RBFOX1: variants seen among roughly 807,000 people sequenced by gnomAD.
RBFOX1 encodes RNA binding fox-1 homolog 1, also known as RNA binding protein fox-1 homolog 1.
A neutral mutation model predicts 57.7 loss-of-function variants in RBFOX1; 8 were observed. The ratio of observed to expected loss-of-function variants is 0.14; its 90% confidence interval spans 0.08 to 0.25. The LOEUF is 0.25. Ranked by LOEUF, RBFOX1 falls within the 10% of genes least tolerant of loss-of-function variation. RBFOX1 has a pLI of 1.00. For synonymous variants in RBFOX1, 326 were observed against 222.4 expected, an observed-to-expected ratio of 1.47 and a Z score of -4.15; for missense variants, 611 against 548.5, an observed-to-expected ratio of 1.11 and a Z score of -1.14.
chr16:6,664,678 A>G (rs182041127), intron 3 of RBFOX1, among the ~76,000 whole-genome samples: 1 of 152,322 alleles, frequency 6.6e-6, no homozygotes, highest in East Asian at 1.9e-4. Context: ...AGTGTCTGAA[A>G]TTGCGTGTTC....
At chr16:6,098,718 T>C (rs1191810186) in intron 1 of RBFOX1, among the ~76,000 whole-genome samples, 1 of 152,178 alleles carries the variant, frequency 6.6e-6, no homozygotes, top group Non-Finnish European at 1.5e-5. Flanking sequence ...GGTACAGATG[T>C]CCAGACACCA....
At chr16:7,084,377 A>T (rs2059666762) in intron 4 of RBFOX1, among the ~76,000 whole-genome samples, 1 of 152,200 alleles carries the variant, frequency 6.6e-6, no homozygotes, top group Non-Finnish European at 1.5e-5. Flanking sequence ...AAAGCATATT[A>T]ATATTTGAAC....
At chr16:5,352,077 A>G (rs1258811695) in intron 1 of RBFOX1, among the ~76,000 whole-genome samples, 1 of 152,256 alleles carries the variant, frequency 6.6e-6, no homozygotes, top group East Asian at 1.9e-4. Flanking sequence ...AAGTGCTGGG[A>G]TTACAGGGGT....
At chr16:7,149,214 A>G (rs1745386698) in intron 4 of RBFOX1, among the ~76,000 whole-genome samples, 1 of 152,010 alleles carries the variant, frequency 6.6e-6, no homozygotes, top group African/African-American at 2.4e-5. Context: ...CAGAGTCAAG[A>G]CTGCTGGACT....
intron 2 of RBFOX1, among the ~76,000 whole-genome samples, chr16:5,486,298 G>C (rs1284330036): frequency 1.3e-5 from 2 of 152,170 alleles, no homozygotes; most frequent in African/African-American, 4.8e-5. Flanking sequence ...AACATTTGGT[G>C]GGAAGGACAA....
intron 2 of RBFOX1, among the ~76,000 whole-genome samples, chr16:5,583,523 A>G (rs11644867): frequency 0.53 from 81,237 of 152,030 alleles, 23,278 homozygotes; most frequent in Non-Finnish European, 0.64. Context: ...TCTGACCGCG[A>G]GGCAATCCTG....
At chr16:6,980,216 C>G (rs1323360385) in intron 3 of RBFOX1, among the ~76,000 whole-genome samples, 1 of 152,168 alleles carries the variant, frequency 6.6e-6, no homozygotes. Context: ...GCTGATATAA[C>G]TTGAAAAATT....
At chr16:6,584,274 T>C (rs1448535043) in intron 2 of RBFOX1, among the ~76,000 whole-genome samples, 2 of 151,330 alleles carry the variant, frequency 1.3e-5, no homozygotes, top group Non-Finnish European at 2.9e-5. Context: ...ACACTTTCAC[T>C]ATTTGGAGCT....
intron 3 of RBFOX1, among the ~76,000 whole-genome samples, chr16:6,946,869 C>A (rs935642664): frequency 1.3e-5 from 2 of 152,126 alleles, no homozygotes; most frequent in African/African-American, 4.8e-5. Context: ...TTGGCCTCCC[C>A]AAGTGCTGGG....
intron 2 of RBFOX1, among the ~76,000 whole-genome samples, chr16:6,570,574 C>T (rs1411363874): frequency 6.6e-6 from 1 of 151,900 alleles, no homozygotes; most frequent in Non-Finnish European, 1.5e-5. Context: ...AAATAAAGAT[C>T]AAGAGCATGT....
In RBFOX1 at chr16:6,357,498, G is replaced by C. The variant is rs565018075; in HGVS notation, c.-64+40441G>C. ...TCCAAGGATAAGGGAGTTGGAAAGA[G>C]CTGTTGAGGGTGTCTAGCCTTTTTT... On this transcript the variant is annotated intron_variant, in intron 2 of 15. Coordinates refer to ENST00000550418, the MANE Select transcript of RBFOX1 (RefSeq NM_018723.4). Among the ~76,000 whole-genome samples the C allele has an allele frequency of 2.0e-5, 3 of 152,244 alleles. No individual in the cohort carries two copies. In the South Asian group the frequency reaches 6.2e-4, roughly 32 times the overall value.
intron 4 of RBFOX1, among the ~76,000 whole-genome samples, chr16:7,467,415 A>G (rs1400921544): frequency 6.6e-6 from 1 of 152,142 alleles, no homozygotes; most frequent in Non-Finnish European, 1.5e-5. Flanking sequence ...ACTTTGAACA[A>G]AGAGGACATT....
Position 7,562,156 on chromosome 16 carries a change from G to A in RBFOX1, c.271-17621G>A, listed in dbSNP as rs190928837. Among the ~76,000 whole-genome samples the A allele has an allele frequency of 9.4e-4, 143 of 152,270 alleles. 1 individual carries two copies. Among genetic ancestry groups the A allele is most frequent in the Admixed American group, 6.0e-3 (92 of 15,290 alleles). ...CACAGAAGACAGTGGCAACAATCTT[G>A]GGAGTATTTGACATGTTCCCAAAAT... On this transcript the variant is annotated intron_variant, in intron 5 of 15. Coordinates refer to ENST00000550418, the MANE Select transcript of RBFOX1 (RefSeq NM_018723.4).
chr16:6,553,523 A>T (rs2097031791), intron 2 of RBFOX1, among the ~76,000 whole-genome samples: 1 of 152,206 alleles, frequency 6.6e-6, no homozygotes, highest in South Asian at 2.1e-4. Flanking sequence ...ATGCACCTCA[A>T]ACCTACCACC....
intron 2 of RBFOX1, among the ~76,000 whole-genome samples, chr16:6,613,415 A>G (rs555489750): frequency 2.0e-5 from 3 of 152,242 alleles, no homozygotes; most frequent in East Asian, 1.9e-4. Flanking sequence ...TGATTTCTGT[A>G]TACGGTGTGG....
intron 2 of RBFOX1, among the ~76,000 whole-genome samples, chr16:6,386,681 T>C (rs926304020): frequency 2.0e-5 from 3 of 152,200 alleles, no homozygotes; most frequent in Non-Finnish European, 4.4e-5. Context: ...GTTAAAATAG[T>C]GTCTGACACA....
Position 7,325,188 on chromosome 16 carries a change from A to G in RBFOX1, c.28-192959A>G, listed in dbSNP as rs114985956. Among the ~76,000 whole-genome samples, 659 of 152,320 alleles carry G rather than the reference A, an allele frequency of 4.3e-3. 6 individuals are homozygous for G. In the Middle Eastern group the frequency reaches 0.071, roughly 17 times the overall value. On this transcript the variant is annotated intron_variant, in intron 4 of 15. Transcript: ENST00000550418. ...AACAGCCATTTACTGAGTGTTTGCT[A>G]TGAGCCTCTGAGCTAAACACTGCAG...
chr16:6,827,877 C>A (rs539614161), intron 3 of RBFOX1, among the ~76,000 whole-genome samples: 1 of 152,224 alleles, frequency 6.6e-6, no homozygotes, highest in Non-Finnish European at 1.5e-5. Flanking sequence ...CTGGGCTATT[C>A]TCCTGGGAGG....
chr16:6,096,893 C>T (rs1192176668), intron 1 of RBFOX1, among the ~76,000 whole-genome samples: 1 of 152,230 alleles, frequency 6.6e-6, no homozygotes, highest in Non-Finnish European at 1.5e-5. Flanking sequence ...GACCCTTCCT[C>T]AGACCTACTG....
Sources: allele counts gnomAD v4.1 joint callset (sites outside exome capture counted in the v4.1 genomes callset), GRCh38; gene constraint gnomAD v4.1.1; transcripts MANE v1.5; gene names NCBI Gene and HGNC (gene_info 2026-07-23, HGNC 2026-07-21).